The following HAUS7 variants were observed in gnomAD, a reference collection of about 807,000 sequenced individuals.
HAUS7 encodes the protein HAUS augmin like complex subunit 7.
Under a neutral mutation model 28.4 loss-of-function variants are expected in HAUS7, and 3 were observed. The observed-to-expected ratio is 0.11, with a 90% confidence interval of 0.05 to 0.27. HAUS7 has a LOEUF of 0.27. Ranked by LOEUF, HAUS7 falls within the 10% of genes least tolerant of loss-of-function variation. The pLI is 1.00. For synonymous variants in HAUS7, 165 were observed against 132.1 expected, an observed-to-expected ratio of 1.25 and a Z score of -1.71; for missense variants, 284 against 297.3, an observed-to-expected ratio of 0.96 and a Z score of 0.33.
chrX:153,488,498 C>G (rs1213154022), intron 1 of HAUS7, among the ~76,000 whole-genome samples: 2 of 113,026 alleles, frequency 1.8e-5, no homozygotes, highest in African/African-American at 6.4e-5. Flanking sequence ...GTGGAGAAAG[C>G]GCCAGACTGT....
chrX:153,464,207 G>A (rs1431274544), intron 3 of HAUS7, among the ~76,000 whole-genome samples: 5 of 112,663 alleles, frequency 4.4e-5, no homozygotes, highest in Admixed American at 9.3e-5. Context: ...GAATGGCGGT[G>A]TCAGGGCTAA....
At chrX:153,482,877 G>A in intron 1 of HAUS7, 4 of 363,479 alleles carry the variant, frequency 1.1e-5, no homozygotes, top group Non-Finnish European at 1.4e-5. Context: ...CTGCAGTTGA[G>A]CTGGAGCCCC....
chrX:153,458,062 G>C (rs1218074778), intron 4 of HAUS7, among the ~76,000 whole-genome samples: 2 of 113,543 alleles, frequency 1.8e-5, no homozygotes, highest in African/African-American at 6.4e-5. Flanking sequence ...GGCGGGCTTG[G>C]GGAAGCTGCC....
intron 1 of HAUS7, among the ~76,000 whole-genome samples, chrX:153,487,781 T>C (rs2124190264): frequency 8.9e-6 from 1 of 112,504 alleles, no homozygotes; most frequent in South Asian, 3.6e-4. Flanking sequence ...GACCTCCCCA[T>C]GTGCCAGGAG....
At chrX:153,486,717 CCGG>C (rs1285682747) in intron 1 of HAUS7, 5 of 981,132 alleles carry the variant, frequency 5.1e-6, no homozygotes, top group East Asian at 1.5e-4. Context: ...ACCTCATTGA[CCGG>C]CGCCGCATCC....
At chrX:153,482,683 A>G in intron 1 of HAUS7, 1 of 755,942 alleles carries the variant, frequency 1.3e-6, no homozygotes, top group Non-Finnish European at 1.6e-6. Context: ...GCAGCTCTGC[A>G]ATGGCTCACC....
intron 4 of HAUS7, among the ~76,000 whole-genome samples, chrX:153,458,820 C>T (rs965059187): frequency 8.9e-6 from 1 of 111,818 alleles, no homozygotes; most frequent in African/African-American, 3.3e-5. Flanking sequence ...TGCAATGGTA[C>T]CATCATAGCT....
At chrX:153,475,034 CT>C (rs1314560340), upstream of HAUS7, among the ~76,000 whole-genome samples, 6 of 112,288 alleles carry the variant, frequency 5.3e-5, no homozygotes, top group African/African-American at 1.9e-4. Context: ...GCCTCGCCTT[CT>C]TGCTTTGCCC....
chrX:153,453,419 T>A (rs2089262360), intron 9 of HAUS7, among the ~76,000 whole-genome samples: 1 of 112,230 alleles, frequency 8.9e-6, no homozygotes. Flanking sequence ...AGGGTAAATT[T>A]TATGTTATAT....
At chrX:153,493,717 G>A (rs371191826) in intron 1 of HAUS7, among the ~76,000 whole-genome samples, 9 of 111,368 alleles carry the variant, frequency 8.1e-5, no homozygotes, top group Admixed American at 5.7e-4. Flanking sequence ...CTGGGCTGCC[G>A]CTGGTGAACA....
chrX:153,481,287 C>A lies in HAUS7; in HGVS notation c.-588-10142G>T. The A allele has an allele frequency of 5.7e-6, 4 of 700,500 alleles. 1 individual carries two copies. The South Asian group carries it at 2.1e-4, about 37-fold the overall frequency. The allele number at this position is 700,500 out of a possible 1,213,427, so 57.7% of individuals were successfully genotyped here. ...TGAGTCACTGGCAGGCCCTGGGAGC[C>A]TCGGGCAAGCCCCTGTTCCTCAGTA... On this transcript the variant is annotated intron_variant, in intron 1 of 5. Transcript: ENST00000370210.
intron 1 of HAUS7, among the ~76,000 whole-genome samples, chrX:153,494,739 A>AGG (rs782707145): frequency 3.8e-5 from 1 of 26,216 alleles, no homozygotes. Flanking sequence ...CAGGCGGGGG[A>AGG]GGGGGGGGGA....
At chrX:153,457,625 G>C (rs1556982562) in intron 4 of HAUS7, among the ~76,000 whole-genome samples, 2 of 113,321 alleles carry the variant, frequency 1.8e-5, no homozygotes. Flanking sequence ...CGCCGTCCCA[G>C]CTGGGAACAG....
chrX:153,466,027 T>A (rs1300885764), intron 2 of HAUS7, among the ~76,000 whole-genome samples: 1 of 112,611 alleles, frequency 8.9e-6, no homozygotes, highest in African/African-American at 3.2e-5. Flanking sequence ...CTGACTCGTG[T>A]GGTGGGAAAG....
upstream of HAUS7, among the ~76,000 whole-genome samples, chrX:153,471,936 A>T (rs1342149486): frequency 6.3e-5 from 7 of 110,543 alleles, no homozygotes; most frequent in African/African-American, 2.3e-4. Context: ...AGGCTTTGGG[A>T]TTTTTTTTTA....
At chrX:153,466,024 G>A (rs781969421) in intron 2 of HAUS7, among the ~76,000 whole-genome samples, 7 of 112,886 alleles carry the variant, frequency 6.2e-5, no homozygotes, top group African/African-American at 2.2e-4. Flanking sequence ...CTGCTGACTC[G>A]TGTGGTGGGA....
intron 1 of HAUS7, among the ~76,000 whole-genome samples, chrX:153,490,689 C>T (rs1456089337): frequency 3.5e-5 from 4 of 112,821 alleles, no homozygotes; most frequent in African/African-American, 1.3e-4. Flanking sequence ...AGGCCATAAA[C>T]TTGGGGCCGC....
At chrX:153,458,928 T>G (rs1022631872) in intron 4 of HAUS7, among the ~76,000 whole-genome samples, 6 of 111,701 alleles carry the variant, frequency 5.4e-5, no homozygotes, top group African/African-American at 1.6e-4. Context: ...CTGGCTAATT[T>G]TTTACTTTTT....
rs1040809828 is a variant in HAUS7 at position 153,460,713 on chromosome X, T to C, written c.354+1897A>G. 1.2e-4 allele frequency among the ~76,000 whole-genome samples: 13 copies of C among 111,807 alleles called. No homozygotes were observed. The Middle Eastern group carries it at 0.014, about 119-fold the overall frequency. ...GCAGTGCTCCCACGGCTGGGCAGAA[T>C]GTATGGGGCAGGTGCTCGCAGGCTC... On this transcript the variant is annotated intron_variant, in intron 4 of 9. Coordinates refer to ENST00000370211, the MANE Select transcript of HAUS7 (RefSeq NM_001385482.1).
Sources: gnomAD v4.1 joint callset for allele counts (sites outside exome capture counted in the v4.1 genomes callset) on GRCh38, gnomAD v4.1.1 for gene constraint, MANE v1.5 for transcripts, NCBI Gene and HGNC (gene_info 2026-07-23, HGNC 2026-07-21) for gene names.